The following LEKR1 variants were observed in gnomAD, a reference collection of about 807,000 sequenced individuals.
The protein encoded by LEKR1 is leucine, glutamate and lysine rich 1, also known as protein LEKR1.
LEKR1 carries 59 observed loss-of-function variants against 72.4 expected under a neutral mutation model. The observed-to-expected ratio is 0.82, with a 90% confidence interval of 0.66 to 1.01. LEKR1 has a LOEUF of 1.01. LEKR1 is among the 50% of genes least tolerant of loss of function. The probability of loss-of-function intolerance (pLI) is 0.00; values close to 1 mark genes in which losing one functional copy is unlikely to be tolerated. For synonymous variants in LEKR1, 257 were observed against 263.2 expected (o/e 0.98, Z 0.23); for missense variants, 728 against 759.2 (o/e 0.96, Z 0.48).
rs1397099180 is a variant in LEKR1 at position 156,927,610 on chromosome 3, T to C, written c.559+6T>C. On this transcript the variant is annotated splice_donor_region_variant and intron_variant, in intron 5 of 12. Transcript: ENST00000356539. The stretch of plus-strand genomic sequence containing the variant: ...AAGTGAAACAGCCTTGACAGGTTTG[T>C]TACATATATTTAGAATATAATTGTC... The C allele has an allele frequency of 1.7e-6, 2 of 1,159,582 alleles. No homozygotes were observed. The highest frequency in any genetic ancestry group is 2.2e-6 in the Non-Finnish European group (2 of 912,344). The allele number at this position is 1,159,582 out of a possible 1,614,324, so 71.8% of individuals were successfully genotyped here.
At chr3:156,894,258 T>C (rs1720960687) in intron 3 of LEKR1, among the ~76,000 whole-genome samples, 1 of 152,194 alleles carries the variant, frequency 6.6e-6, no homozygotes, top group South Asian at 2.1e-4. Context: ...GCTGATACTT[T>C]CTGATACCCT....
intron 7 of LEKR1, among the ~76,000 whole-genome samples, chr3:156,983,460 C>T (rs1046574410): frequency 7.9e-5 from 12 of 152,258 alleles, no homozygotes; most frequent in African/African-American, 2.6e-4. Flanking sequence ...GATTTCTGGG[C>T]TCCTTTTCCA....
chr3:156,938,653 C>T (rs1422482395), intron 5 of LEKR1, among the ~76,000 whole-genome samples: 2 of 152,174 alleles, frequency 1.3e-5, no homozygotes. Flanking sequence ...GGATTACAGG[C>T]GTGAGCCACC....
intron 12 of LEKR1, among the ~76,000 whole-genome samples, chr3:157,037,855 C>T (rs1348373033): frequency 6.6e-6 from 1 of 152,112 alleles, no homozygotes; most frequent in African/African-American, 2.4e-5. Context: ...GGAAAGAACA[C>T]TCCAGGCAAA....
intron 9 of LEKR1, among the ~76,000 whole-genome samples, chr3:157,008,288 G>C (rs1732622495): frequency 6.6e-6 from 1 of 152,174 alleles, no homozygotes; most frequent in South Asian, 2.1e-4. Flanking sequence ...TCACACAGGA[G>C]AGTGACCTAC....
intron 12 of LEKR1, among the ~76,000 whole-genome samples, chr3:157,028,723 T>A (rs1476197384): frequency 6.6e-6 from 1 of 152,204 alleles, no homozygotes; most frequent in Non-Finnish European, 1.5e-5. Flanking sequence ...TATGTCTTAT[T>A]TGTTTTAACG....
intron 9 of LEKR1, among the ~76,000 whole-genome samples, chr3:157,009,306 T>C (rs969695334): frequency 6.6e-6 from 1 of 152,150 alleles, no homozygotes; most frequent in Non-Finnish European, 1.5e-5. Flanking sequence ...AGATATTTTG[T>C]ACTAGATTTT....
intron 3 of LEKR1, among the ~76,000 whole-genome samples, chr3:156,869,973 A>G (rs1344686890): frequency 6.6e-6 from 1 of 152,004 alleles, no homozygotes; most frequent in Non-Finnish European, 1.5e-5. Flanking sequence ...TCCTTTTCCC[A>G]GTGTGTGTTC....
intron 10 of LEKR1, among the ~76,000 whole-genome samples, chr3:157,018,049 A>G (rs1052496720): frequency 5.3e-5 from 8 of 152,010 alleles, no homozygotes; most frequent in Non-Finnish European, 8.8e-5. Context: ...ATATTTTGCT[A>G]GGATTAAAGG....
At chr3:156,847,716 A>G (rs1264810743) in intron 2 of LEKR1, among the ~76,000 whole-genome samples, 2 of 152,294 alleles carry the variant, frequency 1.3e-5, no homozygotes, top group East Asian at 3.9e-4. Flanking sequence ...GTATTTATTT[A>G]ACATTGCTTA....
chr3:156,991,534 C>T lies in LEKR1; in HGVS notation c.828-1119C>T, dbSNP rs188361767. Among the ~76,000 whole-genome samples the T allele has an allele frequency of 2.4e-4, 37 of 152,032 alleles. No individual in the cohort carries two copies. The South Asian group carries it at 3.9e-3, about 16-fold the overall frequency. ...GAGATATTTTCAGATTATGACTTAA[C>T]GAGTTAATGAATAGTCTGAATACAT... On this transcript the variant is annotated intron_variant, in intron 7 of 12. Coordinates refer to ENST00000356539, the MANE Select transcript of LEKR1 (RefSeq NM_001004316.3).
intron 5 of LEKR1, among the ~76,000 whole-genome samples, chr3:156,930,942 T>C (rs1414341735): frequency 6.6e-6 from 1 of 152,074 alleles, no homozygotes; most frequent in African/African-American, 2.4e-5. Flanking sequence ...ATGCAAAGGA[T>C]AAAATTATAA....
At chr3:156,992,116 A>G (rs973865079) in intron 7 of LEKR1, among the ~76,000 whole-genome samples, 8 of 152,186 alleles carry the variant, frequency 5.3e-5, no homozygotes, top group South Asian at 2.1e-4. Context: ...TATGTGGAGT[A>G]TTTGGGACTC....
chr3:156,905,315 G>T (rs1722426359), intron 3 of LEKR1, among the ~76,000 whole-genome samples: 1 of 152,220 alleles, frequency 6.6e-6, no homozygotes, highest in South Asian at 2.1e-4. Flanking sequence ...ACAGGATAAT[G>T]ACTCTTCAGT....
intron 7 of LEKR1, among the ~76,000 whole-genome samples, chr3:156,980,225 G>A (rs371363293): frequency 4.6e-5 from 7 of 152,076 alleles, no homozygotes; most frequent in African/African-American, 1.7e-4. Context: ...AGAATGCTTA[G>A]CAACCAAATG....
At chr3:156,875,657 G>T (rs934171659) in intron 3 of LEKR1, among the ~76,000 whole-genome samples, 2 of 152,024 alleles carry the variant, frequency 1.3e-5, no homozygotes, top group African/African-American at 2.4e-5. Context: ...ATTCTTTCAG[G>T]TCTTAGATTG....
chr3:157,005,149 A>C (rs1426101502), intron 9 of LEKR1, among the ~76,000 whole-genome samples: 2 of 152,102 alleles, frequency 1.3e-5, no homozygotes, highest in Admixed American at 1.3e-4. Flanking sequence ...CAGAAATATC[A>C]TGAACAGCTT....
At chr3:156,912,803 C>T (rs1723244826) in intron 3 of LEKR1, among the ~76,000 whole-genome samples, 1 of 152,196 alleles carries the variant, frequency 6.6e-6, no homozygotes, top group South Asian at 2.1e-4. Context: ...CTTCATTGTG[C>T]TGCTCTTACT....
At chr3:156,872,529 A>G (rs755194528) in intron 3 of LEKR1, among the ~76,000 whole-genome samples, 4 of 151,976 alleles carry the variant, frequency 2.6e-5, no homozygotes, top group African/African-American at 4.8e-5. Flanking sequence ...TCAGATGTAT[A>G]GCTAGATTAT....
Sources: gnomAD v4.1 joint callset for allele counts (sites outside exome capture counted in the v4.1 genomes callset) on GRCh38, gnomAD v4.1.1 for gene constraint, MANE v1.5 for transcripts, NCBI Gene and HGNC (gene_info 2026-07-23, HGNC 2026-07-21) for gene names.